THOC1: variants seen among roughly 807,000 people sequenced by gnomAD.
THOC1 encodes the protein THO complex 1.
A neutral mutation model predicts 97.3 loss-of-function variants in THOC1; 29 were observed. The observed-to-expected ratio is 0.30, with a 90% confidence interval of 0.22 to 0.41. THOC1 has a LOEUF of 0.41. Among genes scored for constraint, THOC1 ranks in the 10% least tolerant of loss-of-function variants. THOC1 has a pLI of 1.00. For synonymous variants in THOC1, 255 were observed against 257.0 expected, an observed-to-expected ratio of 0.99 and a Z score of 0.07; for missense variants, 529 against 761.9, an observed-to-expected ratio of 0.69 and a Z score of 3.60.
At chr18:256,659 T>G (rs1160428582) in intron 7 of THOC1, among the ~76,000 whole-genome samples, 10 of 152,214 alleles carry the variant, frequency 6.6e-5, no homozygotes, top group Non-Finnish European at 1.3e-4. Flanking sequence ...AGTGCAATGG[T>G]GCGATCTCGG....
At chr18:234,926 T>C (rs935909804) in intron 11 of THOC1, among the ~76,000 whole-genome samples, 1 of 152,156 alleles carries the variant, frequency 6.6e-6, no homozygotes, top group East Asian at 1.9e-4. Flanking sequence ...GGGGGGCTTC[T>C]CTTTTTCTAA....
intron 11 of THOC1, among the ~76,000 whole-genome samples, chr18:243,197 T>C (rs1353243397): frequency 6.6e-6 from 1 of 152,204 alleles, no homozygotes; most frequent in Non-Finnish European, 1.5e-5. Context: ...TGATGTGATA[T>C]TAATTAATGA....
chr18:227,348 GCTA>G (rs1415873080), intron 11 of THOC1, among the ~76,000 whole-genome samples: 1 of 151,978 alleles, frequency 6.6e-6, no homozygotes, highest in Non-Finnish European at 1.5e-5. Context: ...TAAAACTGAG[GCTA>G]CTACTTTCTC....
At chr18:260,829 G>T (rs567185005) in intron 4 of THOC1, 2 of 152,250 alleles carry the variant, frequency 1.3e-5, no homozygotes, top group South Asian at 4.1e-4. Flanking sequence ...TTGGAAAAAT[G>T]CTTATGATAT....
chr18:216,514 A>G lies in THOC1; in HGVS notation c.1574T>C (p.Met525Thr). 2 of 1,613,966 alleles carry G rather than the reference A, an allele frequency of 1.2e-6. No individual in the cohort carries two copies. Among genetic ancestry groups the G allele is most frequent in the African/African-American group, 1.3e-5 (1 of 75,056 alleles). ...FKSLPEYLEN[M>T]VIKLAKELPP... ...TAATTCCTTGGCTAGCTTTATTACCATATTTTCAAGATATTCTGGTAAACT... is the reference window on the plus strand; with the variant it reads ...TAATTCCTTGGCTAGCTTTATTACCGTATTTTCAAGATATTCTGGTAAACT... Residue 525 changes from methionine to threonine, a missense_variant, in exon 19 of 21, where the codon ATG (methionine) becomes ACG (threonine). Met to Thr is a moderately conservative substitution (Grantham distance 81). Transcript: ENST00000261600.
At chr18:220,813 CTT>C (rs1397730166) in intron 17 of THOC1, among the ~76,000 whole-genome samples, 3 of 152,182 alleles carry the variant, frequency 2.0e-5, no homozygotes, top group South Asian at 2.1e-4. Context: ...TTGATCTTCT[CTT>C]TTGATTTTGT....
chr18:236,841 C>G (rs546536061), intron 11 of THOC1, among the ~76,000 whole-genome samples: 1 of 152,218 alleles, frequency 6.6e-6, no homozygotes, highest in East Asian at 1.9e-4. Context: ...TTCTATTAAC[C>G]TTGAGTTAGT....
intron 9 of THOC1, among the ~76,000 whole-genome samples, chr18:251,871 GT>G (rs1912290314): frequency 6.6e-6 from 1 of 152,110 alleles, no homozygotes; most frequent in Non-Finnish European, 1.5e-5. Context: ...TATCTTACTT[GT>G]TTTTATTAAT....
In THOC1 at chr18:265,922, A is replaced by G. The variant is rs116074913; in HGVS notation, c.55-392T>C. ...CCAATTTACCCAAACTTAATTCCCA[A>G]TACTCCCTAACACATACTTTGCACT... On this transcript the variant is annotated intron_variant, in intron 1 of 20. Transcript: ENST00000261600. 3.5e-3 allele frequency among the ~76,000 whole-genome samples: 536 copies of G among 152,258 alleles called. 4 individuals are homozygous for G. Among genetic ancestry groups the G allele is most frequent in the African/African-American group, 0.012 (505 of 41,530 alleles).
chr18:259,789 A>G lies in THOC1; in HGVS notation c.376-59T>C, dbSNP rs141644327. The G allele has an allele frequency of 5.4e-3, 7,170 of 1,320,670 alleles. 35 individuals are homozygous for G. The highest frequency in any genetic ancestry group is 6.8e-3 in the Non-Finnish European group (6,511 of 958,976). 81.8% of individuals were successfully genotyped at this position (1,320,670 alleles called of 1,614,324 possible). ...AGAACTTGTTACACATTCTTCAATA[A>G]TAAGTTGCCAGAGTGAAATATTAAA... On this transcript the variant is annotated intron_variant, in intron 5 of 20. Transcript: ENST00000261600.
chr18:237,820 T>C (rs1407946713), intron 11 of THOC1, among the ~76,000 whole-genome samples: 1 of 152,178 alleles, frequency 6.6e-6, no homozygotes, highest in Non-Finnish European at 1.5e-5. Flanking sequence ...AAAAAGAATG[T>C]GTAAACAATT....
At chr18:266,933 T>C (rs762554490) in intron 1 of THOC1, among the ~76,000 whole-genome samples, 1 of 151,970 alleles carries the variant, frequency 6.6e-6, no homozygotes, top group African/African-American at 2.4e-5. Context: ...ATGATTATGA[T>C]GACATACACA....
intron 17 of THOC1, among the ~76,000 whole-genome samples, chr18:221,545 A>C (rs79299806): frequency 1.3e-5 from 2 of 150,886 alleles, no homozygotes; most frequent in East Asian, 3.9e-4. Context: ...AAGTTCTTTC[A>C]GTTTCAACCT....
intron 18 of THOC1, 90 bp downstream of exon 18, chr18:218,796 T>C (rs1028172998): frequency 9.4e-7 from 1 of 1,067,360 alleles, no homozygotes. Flanking sequence ...ATCTACTGCC[T>C]CTCTTAAGAG....
intron 11 of THOC1, among the ~76,000 whole-genome samples, chr18:237,052 G>A (rs1325519377): frequency 1.3e-5 from 2 of 151,678 alleles, no homozygotes; most frequent in South Asian, 4.2e-4. Context: ...AAAGTATTAA[G>A]TCTCTGAAAA....
At chr18:265,398 C>T (rs1598309289) in intron 2 of THOC1, 35 bp from the exon 3 acceptor site, 1 of 1,591,882 alleles carries the variant, frequency 6.3e-7, no homozygotes, top group African/African-American at 1.4e-5. Flanking sequence ...ATTTTTCAAA[C>T]AGCTCAGGGT....
chr18:216,451 CTAAAGGGT>C, intron 19 of THOC1, 27 bp downstream of exon 19: 1 of 1,601,318 alleles, frequency 6.2e-7, no homozygotes, highest in South Asian at 1.1e-5. Flanking sequence ...AAGATGTCAA[CTAAAGGGT>C]ATGAAAAGTT....
intron 11 of THOC1, chr18:244,989 T>C (rs1225947795): frequency 2.0e-5 from 3 of 152,220 alleles, no homozygotes; most frequent in East Asian, 1.9e-4. Flanking sequence ...GTTTCAATTA[T>C]TGTATTTTTC....
intron 1 of THOC1, among the ~76,000 whole-genome samples, chr18:266,171 A>C (rs1912760416): frequency 6.6e-6 from 1 of 152,210 alleles, no homozygotes; most frequent in Non-Finnish European, 1.5e-5. Flanking sequence ...TTAAAGACAA[A>C]AATATTGCAA....
Sources: gnomAD v4.1 joint callset for allele counts (sites outside exome capture counted in the v4.1 genomes callset) on GRCh38, gnomAD v4.1.1 for gene constraint, MANE v1.5 for transcripts, NCBI Gene and HGNC (gene_info 2026-07-23, HGNC 2026-07-21) for gene names.